Variants in PROSER1 observed in about 807,000 individuals in gnomAD.
PROSER1 encodes proline and serine-rich protein 1.
In PROSER1, 36 loss-of-function variants were observed where a neutral mutation model predicts 71.8. The ratio of observed to expected loss-of-function variants is 0.50; its 90% confidence interval spans 0.38 to 0.66. The LOEUF (loss-of-function observed/expected upper bound fraction) is 0.66. PROSER1 is among the 30% of genes least tolerant of loss of function. The pLI is 0.00. For synonymous variants in PROSER1, 490 were observed against 452.4 expected, an observed-to-expected ratio of 1.08 and a Z score of -1.06; for missense variants, 1,107 against 1,135.0, an observed-to-expected ratio of 0.98 and a Z score of 0.35.
chr13:39,029,207 C>T, intron 4 of PROSER1, 74 bp downstream of exon 4: 1 of 786,876 alleles, frequency 1.3e-6, no homozygotes, highest in Non-Finnish European at 2.0e-6. Context: ...TTAACACACA[C>T]TAATTAGACA....
At chr13:39,017,764 C>T (rs911962008) in intron 9 of PROSER1, 9 of 408,834 alleles carry the variant, frequency 2.2e-5, no homozygotes, top group Non-Finnish European at 3.4e-5. Context: ...AAGAGGATTA[C>T]CAGAAACTGA....
Sources: gnomAD v4.1 joint callset for allele counts on GRCh38, gnomAD v4.1.1 for gene constraint, MANE v1.5 for transcripts, NCBI Gene and HGNC (gene_info 2026-07-23, HGNC 2026-07-21) for gene names.